SIX1: variants seen among roughly 807,000 people sequenced by gnomAD.
SIX1 encodes SIX homeobox 1, also known as homeobox protein SIX1.
SIX1 carries 11 observed loss-of-function variants against 26.5 expected under a neutral mutation model. The observed-to-expected ratio is 0.41, with a 90% CI of 0.26 to 0.69. The LOEUF (loss-of-function observed/expected upper bound fraction) is 0.69, where lower values mean the gene tolerates loss of function less well. SIX1 is among the 30% of genes least tolerant of loss of function. SIX1 has a pLI of 0.28. For missense variants in SIX1, 333 were observed against 365.9 expected, an observed-to-expected ratio of 0.91 and a Z score of 0.73; for synonymous variants, 177 against 166.2, an observed-to-expected ratio of 1.06 and a Z score of -0.50.
Position 60,648,411 on chromosome 14 carries a change from G to A in SIX1, c.560+219C>T, listed in dbSNP as rs1257329767. 6.6e-6 allele frequency among the ~76,000 whole-genome samples: 1 copy of A among 152,192 alleles called. No individual in the cohort carries two copies. The highest frequency in any genetic ancestry group is 1.5e-5 in the Non-Finnish European group (1 of 68,032). On this transcript the variant is annotated intron_variant, in intron 1 of 1. Coordinates refer to ENST00000645694, the MANE Select transcript of SIX1 (RefSeq NM_005982.4). The surrounding 1 kb of genome is among the most constrained non-coding windows in gnomAD (Gnocchi z 7.9). The stretch of plus-strand genomic sequence containing the variant: ...ACACTCACATCCCAGAGAAACCCAC[G>A]CGCGGGTGCTCAAAGCAAATGAGGC...
In SIX1 at chr14:60,646,326, A is replaced by G. The variant is rs1894939479; in HGVS notation, c.812T>C (p.Leu271Pro). The G allele has an allele frequency of 1.2e-6, 2 of 1,613,532 alleles. No individual in the cohort carries two copies. Among genetic ancestry groups the G allele is most frequent in the Admixed American group, 3.3e-5 (2 of 59,990 alleles). Reference protein sequence around the residue: ...QTHQHQLQDSLLGPLTSSLVD... With the variant: ...QTHQHQLQDSPLGPLTSSLVD... The stretch of plus-strand genomic sequence containing the variant: ...CAGACTGGAGGTGAGGGGGCCGAGC[A>G]GAGAGTCTTGGAGCTGATGCTGGTG... The change falls in exon 2 of 2, where the codon CTG becomes CCG. Residue 271 changes from leucine (L) to proline (P), a missense_variant. Leu to Pro is a moderately conservative substitution (Grantham distance 98, BLOSUM62 -3). Coordinates refer to ENST00000645694, the MANE Select transcript of SIX1 (RefSeq NM_005982.4).
At position 60,648,609 on chromosome 14, in the gene SIX1, C is replaced by A. The variant is rs1244263540; in HGVS notation, c.560+21G>T. On this transcript the variant is annotated intron_variant, in intron 1 of 1. Coordinates refer to ENST00000645694, the MANE Select transcript of SIX1 (RefSeq NM_005982.4). This position sits in a 1 kb window ranked among gnomAD's most constrained non-coding sequence, Gnocchi z 7.9. Reference sequence around the variant, plus strand: ...GACGGCTTCCTAGGGTCGCCCGAGTCGCGGGAAGCACGCCGCGTACCTTTC... The same window carrying A: ...GACGGCTTCCTAGGGTCGCCCGAGTAGCGGGAAGCACGCCGCGTACCTTTC... The A allele has an allele frequency of 3.1e-6, 5 of 1,598,872 alleles. No individual in the cohort carries two copies. The highest frequency in any genetic ancestry group is 2.6e-6 in the Non-Finnish European group (3 of 1,172,412).
rs1343272558 is a variant in SIX1 at position 60,649,407 on chromosome 14, C to T, written c.-218G>A. 5 of 569,484 alleles carry T rather than the reference C, an allele frequency of 8.8e-6. No individual in the cohort carries two copies. The highest frequency in any genetic ancestry group is 3.8e-5 in the African/African-American group (2 of 52,166). The allele number at this position is 569,484 out of a possible 1,614,324, so 35.3% of individuals were successfully genotyped here. On this transcript the variant is annotated 5_prime_UTR_variant, in exon 1 of 2. In the 5' UTR this introduces an upstream ATG that the reference lacks. Transcript: ENST00000645694. The surrounding 1 kb of genome is among the most constrained non-coding windows in gnomAD (Gnocchi z 5.1). The stretch of plus-strand genomic sequence containing the variant: ...TTCTGGACACGGAACGGCCGGCGCA[C>T]TCAGTAGCCTTTAAGGCCTTGCTGC...
rs142301715 is a variant in SIX1, at chr14:60,646,560, T to C, written c.578A>G (p.Asn193Ser). ...EAKERENTEN[N>S]NSSSNKQNQL... ...GTTCTGCTTGTTGGAGGAGGAGTTA[T>C]TGTTTTCGGTGTTCTCCCTAAGAAA... is the stretch of plus-strand genomic sequence containing the variant. Residue 193 changes from asparagine (N) to serine (S), a missense_variant, in exon 2 of 2, where the codon AAT (asparagine) becomes AGT (serine). Coordinates refer to ENST00000645694, the MANE Select transcript of SIX1 (RefSeq NM_005982.4). 5.6e-6 allele frequency: 9 copies of C among 1,606,772 alleles called. No individual in the cohort carries two copies. Among genetic ancestry groups the C allele is most frequent in the African/African-American group, 1.4e-5 (1 of 73,544 alleles).
chr14:60,649,241 G>A lies in SIX1; in HGVS notation c.-52C>T. ...CCAGGCGCACGCGGCAGGGAGCAGA[G>A]CCGAGAGGCAGGGGGCGGCGGCCGC... On this transcript the variant is annotated 5_prime_UTR_variant, in exon 1 of 2. Coordinates refer to ENST00000645694, the MANE Select transcript of SIX1 (RefSeq NM_005982.4). This position sits in a 1 kb window ranked among gnomAD's most constrained non-coding sequence, Gnocchi z 5.1. The A allele has an allele frequency of 6.4e-7, 1 of 1,554,282 alleles. No individual in the cohort carries two copies. Among genetic ancestry groups the A allele is most frequent in the Non-Finnish European group, 8.7e-7 (1 of 1,147,576 alleles).
rs1379038063 is a variant in SIX1, at chr14:60,648,209, C to T, written c.560+421G>A. ...CCAATGTCTCAGGCCAGCTTCACCC[C>T]TCTGGGGAGCAAGAGGAGAGAGGTT... is the stretch of plus-strand genomic sequence containing the variant. On this transcript the variant is annotated intron_variant, in intron 1 of 1. Coordinates refer to ENST00000645694, the MANE Select transcript of SIX1 (RefSeq NM_005982.4). The surrounding 1 kb of genome is among the most constrained non-coding windows in gnomAD (Gnocchi z 7.9). Among the ~76,000 whole-genome samples the T allele has an allele frequency of 1.3e-5, 2 of 151,892 alleles. No individual in the cohort carries two copies. The highest frequency in any genetic ancestry group is 2.9e-5 in the Non-Finnish European group (2 of 67,822).
chr14:60,647,074 A>C lies in SIX1; in HGVS notation c.561-497T>G, dbSNP rs1894957648. 6.6e-6 allele frequency among the ~76,000 whole-genome samples: 1 copy of C among 152,166 alleles called. No homozygotes were observed. Among genetic ancestry groups the C allele is most frequent in the Admixed American group, 6.5e-5 (1 of 15,280 alleles). ...TGCCTTGTTCGCATATGAGGAGACA[A>C]TTAAACATCCCGTTTTCCTGCCCCA... On this transcript the variant is annotated intron_variant, in intron 1 of 1. Transcript: ENST00000645694. This position sits in a 1 kb window ranked among gnomAD's most constrained non-coding sequence, Gnocchi z 5.1.
At position 60,649,218 on chromosome 14, in the gene SIX1, A is replaced by G. The variant is rs1367042009; in HGVS notation, c.-29T>C. 5.0e-6 allele frequency: 8 copies of G among 1,595,222 alleles called. No individual in the cohort carries two copies. Among genetic ancestry groups the G allele is most frequent in the Non-Finnish European group, 6.8e-6 (8 of 1,175,260 alleles). On this transcript the variant is annotated 5_prime_UTR_variant, in exon 1 of 2. Coordinates refer to ENST00000645694, the MANE Select transcript of SIX1 (RefSeq NM_005982.4). The surrounding 1 kb of genome is among the most constrained non-coding windows in gnomAD (Gnocchi z 5.1). Reference sequence around the variant, plus strand: ...TGGGGCCTGCCGGGGCGCACGGCCCAGGCGCACGCGGCAGGGAGCAGAGCC... The same window carrying G: ...TGGGGCCTGCCGGGGCGCACGGCCCGGGCGCACGCGGCAGGGAGCAGAGCC...
In SIX1 at chr14:60,644,338, G is replaced by A. The variant is rs1452176014; in HGVS notation, c.*1945C>T. ...TTAATGATCCAAAACACTAACAAGG[G>A]AGATTGGGACCCTGAGCTCCCAAAC... On this transcript the variant is annotated 3_prime_UTR_variant, in exon 2 of 2. Transcript: ENST00000645694. 6.6e-6 allele frequency: 1 copy of A among 152,142 alleles called. No homozygotes were observed. The highest frequency in any genetic ancestry group is 1.5e-5 in the Non-Finnish European group (1 of 68,042). 9.4% of individuals were successfully genotyped at this position (152,142 alleles called of 1,614,324 possible). A position where few individuals can be genotyped will look rare whatever the true frequency, so the allele number is the denominator to read the frequency against.
intron 1 of SIX1, 87 bp from the exon 2 acceptor site, chr14:60,646,664 G>C: frequency 2.2e-4 from 243 of 1,125,036 alleles, no homozygotes; most frequent in Middle Eastern, 8.8e-4. Context: ...ATGGAGGGAG[G>C]GGAGCTGGAA....
Position 60,644,211 on chromosome 14 carries a change from G to C in SIX1, c.*2072C>G, listed in dbSNP as rs1395830342. 1.3e-5 allele frequency: 2 copies of C among 152,260 alleles called. No individual in the cohort carries two copies. The highest frequency in any genetic ancestry group is 4.8e-5 in the African/African-American group (2 of 41,446). 9.4% of individuals were successfully genotyped at this position (152,260 alleles called of 1,614,324 possible). A position where few individuals can be genotyped will look rare whatever the true frequency, so the allele number is the denominator to read the frequency against. Reference sequence around the variant, plus strand: ...GTTTTGGGGAGTGAATGTGAAGAATGTGAGGAGATTCCCTGTGAGAGCCCC... The same window carrying C: ...GTTTTGGGGAGTGAATGTGAAGAATCTGAGGAGATTCCCTGTGAGAGCCCC... On this transcript the variant is annotated 3_prime_UTR_variant, in exon 2 of 2. Transcript: ENST00000645694.
Position 60,648,883 on chromosome 14 carries a change from G to A in SIX1, c.307C>T (p.Leu103=), listed in dbSNP as rs1182844678. The A allele has an allele frequency of 4.3e-6, 7 of 1,614,094 alleles. No individual in the cohort carries two copies. The highest frequency in any genetic ancestry group is 1.1e-5 in the South Asian group (1 of 91,086). ...ACCCGATATTTGCCCACGGCGCCCA[G>A]GGGTCGGCCGCGCAGCTTCTCGGCC... ...VEAEKLRGRP[L]GAVGKYRVRR... Residue 103 remains leucine (L), a synonymous_variant, in exon 1 of 2, where the codon CTG becomes TTG. Transcript: ENST00000645694. The surrounding 1 kb of genome is among the most constrained non-coding windows in gnomAD (Gnocchi z 7.9).
chr14:60,646,421 G>A lies in SIX1; in HGVS notation c.717C>T (p.Gly239=). The A allele has an allele frequency of 6.2e-7, 1 of 1,614,014 alleles. No homozygotes were observed. Among genetic ancestry groups the A allele is most frequent in the Non-Finnish European group, 8.5e-7 (1 of 1,180,010 alleles). Residue 239 remains glycine (G), a synonymous_variant, in exon 2 of 2, where the codon GGC becomes GGT. Coordinates refer to ENST00000645694, the MANE Select transcript of SIX1 (RefSeq NM_005982.4). ...GAGAATAGTTTGAGCTCCTGGCGTG[G>A]CCCATATTGCCCTGCAGCAGAAGGA... ...NSVLLLQGNM[G]HARSSNYSLP...
Position 60,648,652 on chromosome 14 carries a change from G to T in SIX1, c.538C>A (p.Arg180=). The part of the protein sequence containing the change: ...NWFKNRRQRD[R]AAEAKERENT... The stretch of plus-strand genomic sequence containing the variant: ...TACCTTTCCTTGGCCTCCGCGGCCC[G>T]GTCTCTTTGCCTCCGGTTCTTAAAC... Residue 180 remains arginine, a synonymous_variant, in exon 1 of 2, where the codon CGG becomes AGG. Coordinates refer to ENST00000645694, the MANE Select transcript of SIX1 (RefSeq NM_005982.4). This position sits in a 1 kb window ranked among gnomAD's most constrained non-coding sequence, Gnocchi z 7.9. 6.2e-7 allele frequency: 1 copy of T among 1,613,838 alleles called. No individual in the cohort carries two copies. Among genetic ancestry groups the T allele is most frequent in the Non-Finnish European group, 8.5e-7 (1 of 1,179,884 alleles).
Position 60,648,853 on chromosome 14 carries a change from G to T in SIX1, c.337C>A (p.Arg113=). The T allele has an allele frequency of 6.2e-7, 1 of 1,614,208 alleles. No individual in the cohort carries two copies. ...ATGGTGCGCGGCAGTGGAAATTTTC[G>T]GCGCACCCGATATTTGCCCACGGCG... The part of the protein sequence containing the change: ...LGAVGKYRVR[R]KFPLPRTIWD... The change falls in exon 1 of 2, where the codon CGA becomes AGA. Residue 113 remains arginine, a synonymous_variant. Transcript: ENST00000645694. This position sits in a 1 kb window ranked among gnomAD's most constrained non-coding sequence, Gnocchi z 7.9.
Position 60,648,751 on chromosome 14 carries a change from G to A in SIX1, c.439C>T (p.Pro147Ser). 2 of 1,614,098 alleles carry A rather than the reference G, an allele frequency of 1.2e-6. No individual in the cohort carries two copies. Among genetic ancestry groups the A allele is most frequent in the Non-Finnish European group, 1.7e-6 (2 of 1,179,952 alleles). ...CGCTTCTCACGCGGCGATGGGTAGGGATTGTGCGCGTACCACTCCCGCAGG... is the reference window on the plus strand; with the variant it reads ...CGCTTCTCACGCGGCGATGGGTAGGAATTGTGCGCGTACCACTCCCGCAGG... ...GVLREWYAHN[P>S]YPSPREKREL... The change falls in exon 1 of 2, where the codon CCC becomes TCC. Residue 147 changes from proline to serine, a missense_variant. Pro to Ser is a moderately conservative substitution (Grantham distance 74). Around this residue, in one of 3 missense-constraint regions of SIX1, gnomAD observed 199 missense variants for 215.2 expected, o/e 0.92. Coordinates refer to ENST00000645694, the MANE Select transcript of SIX1 (RefSeq NM_005982.4). The surrounding 1 kb of genome is among the most constrained non-coding windows in gnomAD (Gnocchi z 7.9).
rs148433316 is a variant in SIX1 at position 60,646,523 on chromosome 14, A to C, written c.615T>G (p.Pro205=). Residue 205 remains proline (P), a synonymous_variant, in exon 2 of 2, where the codon CCT becomes CCG. Transcript: ENST00000645694. ...ACATGAGCGGCTTGCCCCCTTCCAG[A>C]GGAGAGAGTTGGTTCTGCTTGTTGG... ...SSSNKQNQLS[P]LEGGKPLMSS... 96 of 1,609,868 alleles carry C rather than the reference A, an allele frequency of 6.0e-5. No homozygotes were observed. In the African/African-American group the frequency reaches 1.2e-3, roughly 20 times the overall value.
rs1894978124 is a variant in SIX1, at chr14:60,647,868, T to C, written c.560+762A>G. ...AAAGTAGAGACCAATTTTTAAAATA[T>C]TGCCTTGTGAGCTCCAGTGCGAGAG... On this transcript the variant is annotated intron_variant, in intron 1 of 1. Coordinates refer to ENST00000645694, the MANE Select transcript of SIX1 (RefSeq NM_005982.4). This position sits in a 1 kb window ranked among gnomAD's most constrained non-coding sequence, Gnocchi z 5.1. Among the ~76,000 whole-genome samples the C allele has an allele frequency of 6.6e-6, 1 of 152,214 alleles. No individual in the cohort carries two copies. Among genetic ancestry groups the C allele is most frequent in the Non-Finnish European group, 1.5e-5 (1 of 68,028 alleles).
chr14:60,646,632 T>C, intron 1 of SIX1, 55 bp from the exon 2 acceptor site: 1 of 1,058,898 alleles, frequency 9.4e-7, no homozygotes, highest in Non-Finnish European at 1.3e-6. Flanking sequence ...AAAAAAAAAG[T>C]AGGTTAAAAA....
Sources: allele counts gnomAD v4.1 joint callset (sites outside exome capture counted in the v4.1 genomes callset), GRCh38; gene constraint gnomAD v4.1.1; regional missense constraint gnomAD v4.1.1; non-coding constraint Gnocchi (gnomAD v3.1); transcripts MANE v1.5; gene names NCBI Gene and HGNC (gene_info 2026-07-23, HGNC 2026-07-21).